ENTREP2: variants seen among roughly 807,000 people sequenced by gnomAD.
ENTREP2 encodes the protein protein ENTREP2.
chr15:29,509,439 A>G, the ENTREP2 span, among the ~76,000 whole-genome samples: 2 of 152,212 alleles, frequency 1.3e-5, no homozygotes, highest in African/African-American at 2.4e-5. Flanking sequence ...GAGCCTGTAT[A>G]GCCAAGACTA....
the ENTREP2 span, among the ~76,000 whole-genome samples, chr15:29,136,663 T>C: frequency 6.6e-6 from 1 of 151,188 alleles, no homozygotes; most frequent in African/African-American, 2.4e-5. Context: ...TTTGCACTTT[T>C]GTTTTTTTTT....
the ENTREP2 span, among the ~76,000 whole-genome samples, chr15:29,161,383 G>A: frequency 1.3e-5 from 2 of 152,152 alleles, no homozygotes; most frequent in Admixed American, 6.5e-5. Flanking sequence ...CCAGGGCATG[G>A]GGAACTGACA....
chr15:29,490,204 T>C, the ENTREP2 span, among the ~76,000 whole-genome samples: 5 of 152,202 alleles, frequency 3.3e-5, no homozygotes, highest in Admixed American at 6.5e-5. Context: ...GTTAGTTCCT[T>C]GTGGTGTTCG....
the ENTREP2 span, among the ~76,000 whole-genome samples, chr15:29,407,682 TG>T: frequency 8.4e-6 from 1 of 118,886 alleles, no homozygotes; most frequent in African/African-American, 3.1e-5. Flanking sequence ...TTTTTTGGGT[TG>T]GGGGGAGCCC....
the ENTREP2 span, among the ~76,000 whole-genome samples, chr15:29,488,902 C>T: frequency 2.6e-5 from 4 of 152,196 alleles, no homozygotes; most frequent in Admixed American, 6.5e-5. Context: ...TATAAAATAT[C>T]AGAAACAGGT....
chr15:29,136,868 C>T, the ENTREP2 span, among the ~76,000 whole-genome samples: 2 of 152,178 alleles, frequency 1.3e-5, no homozygotes, highest in African/African-American at 4.8e-5. Flanking sequence ...TTTCGGGTTG[C>T]GTTGCAAAGG....
the ENTREP2 span, among the ~76,000 whole-genome samples, chr15:29,317,888 A>T: frequency 1.3e-5 from 2 of 152,182 alleles, no homozygotes; most frequent in South Asian, 4.1e-4. Context: ...TGAGATGAAC[A>T]GACTAGCGCC....
At chr15:29,552,502 G>A in the ENTREP2 span, among the ~76,000 whole-genome samples, 1 of 152,070 alleles carries the variant, frequency 6.6e-6, no homozygotes, top group Non-Finnish European at 1.5e-5. Flanking sequence ...GGGAGGCCAA[G>A]GTGGGAGGAT....
At chr15:29,238,465 T>C in the ENTREP2 span, among the ~76,000 whole-genome samples, 3 of 151,800 alleles carry the variant, frequency 2.0e-5, no homozygotes, top group Admixed American at 6.6e-5. Flanking sequence ...ATCCCATCTC[T>C]ACTAAAAAAA....
the ENTREP2 span, among the ~76,000 whole-genome samples, chr15:29,552,632 AT>A: frequency 6.6e-6 from 1 of 152,146 alleles, no homozygotes; most frequent in South Asian, 2.1e-4. Context: ...CACAAACTAG[AT>A]TATAAAGAAT....
chr15:29,644,813 T>TAAAA, the ENTREP2 span, among the ~76,000 whole-genome samples: 3 of 61,222 alleles, frequency 4.9e-5, no homozygotes, highest in South Asian at 4.5e-4. Context: ...TCCATCTCCA[T>TAAAA]AAAAAAAAAA....
the ENTREP2 span, chr15:29,374,567 T>C: frequency 4.6e-5 from 7 of 152,238 alleles, no homozygotes; most frequent in African/African-American, 1.7e-4. Context: ...TGCATTTTTT[T>C]TTCCTATTTT....
chr15:29,539,274 T>C, the ENTREP2 span, among the ~76,000 whole-genome samples: 1 of 144,772 alleles, frequency 6.9e-6, no homozygotes, highest in African/African-American at 2.6e-5. Context: ...ACGACAGTGT[T>C]CGGGAACCAG....
chr15:29,209,871 C>T, the ENTREP2 span, among the ~76,000 whole-genome samples: 4 of 152,246 alleles, frequency 2.6e-5, no homozygotes, highest in South Asian at 4.2e-4. Context: ...TCCCTGGCAT[C>T]GGGTGGCTGC....
the ENTREP2 span, among the ~76,000 whole-genome samples, chr15:29,466,942 CCCCAGGGGAGGGCCCAGGGGAGGA>C: frequency 7.6e-6 from 1 of 132,426 alleles, no homozygotes. Context: ...ATGCTGCAGC[CCCCAGGGGAGGGCCCAGGGGAGGA>C]TGCTGCAGCC....
the ENTREP2 span, among the ~76,000 whole-genome samples, chr15:29,662,866 A>C: frequency 1.2e-3 from 178 of 152,152 alleles, no homozygotes; most frequent in African/African-American, 4.1e-3. Flanking sequence ...GATTACAGGC[A>C]TGCACCACCA....
chr15:29,448,758 T>C, the ENTREP2 span, among the ~76,000 whole-genome samples: 1 of 152,242 alleles, frequency 6.6e-6, no homozygotes, highest in Admixed American at 6.5e-5. Context: ...AGATGGAAAT[T>C]AGATTGCTCA....
At chr15:29,259,187 C>T in the ENTREP2 span, among the ~76,000 whole-genome samples, 5 of 152,084 alleles carry the variant, frequency 3.3e-5, no homozygotes, top group Admixed American at 2.6e-4. Flanking sequence ...AAAATCTGCT[C>T]AAAATTAGTT....
the ENTREP2 span, among the ~76,000 whole-genome samples, chr15:29,453,716 C>T: frequency 6.6e-6 from 1 of 151,706 alleles, no homozygotes. Context: ...TCCAATCAGA[C>T]TTTTTTTTTG....
Sources: gnomAD v4.1 joint callset for allele counts (sites outside exome capture counted in the v4.1 genomes callset) on GRCh38, gnomAD v4.1.1 for gene constraint, MANE v1.5 for transcripts, NCBI Gene and HGNC (gene_info 2026-07-23, HGNC 2026-07-21) for gene names.